HECTD4: variants seen among roughly 807,000 people sequenced by gnomAD.
HECTD4 encodes the protein HECT domain E3 ubiquitin protein ligase 4.
In HECTD4, 114 loss-of-function variants were observed where a neutral mutation model predicts 471.5. That is an observed-to-expected ratio of 0.24 (90% CI 0.21 to 0.28). The LOEUF (loss-of-function observed/expected upper bound fraction) is 0.28. Among genes scored for constraint, HECTD4 ranks in the 10% least tolerant of loss-of-function variants. HECTD4 has a pLI of 1.00. For missense variants in HECTD4, 3,866 were observed against 5,651.5 expected (o/e 0.68, Z 10.13); for synonymous variants, 2,012 against 2,256.0 (o/e 0.89, Z 3.07).
intron 7 of HECTD4, among the ~76,000 whole-genome samples, chr12:112,290,741 G>C (rs1227971028): frequency 6.6e-6 from 1 of 151,504 alleles, no homozygotes; most frequent in Admixed American, 6.6e-5. Flanking sequence ...CCAGCTACTC[G>C]GGAGGCTGAG....
chr12:112,332,665 TA>T (rs1340800318), intron 1 of HECTD4, among the ~76,000 whole-genome samples: 3 of 151,908 alleles, frequency 2.0e-5, no homozygotes, highest in African/African-American at 2.4e-5. Context: ...ACTCCTTTTA[TA>T]AAAAATAATA....
At chr12:112,214,120 T>A (rs1383803935) in intron 48 of HECTD4, among the ~76,000 whole-genome samples, 2 of 152,190 alleles carry the variant, frequency 1.3e-5, no homozygotes, top group Non-Finnish European at 2.9e-5. Context: ...GTTTCCTACT[T>A]ATAAGCATTT....
chr12:112,218,776 C>A (rs1022776598), intron 45 of HECTD4, among the ~76,000 whole-genome samples: 1 of 152,020 alleles, frequency 6.6e-6, no homozygotes, highest in Non-Finnish European at 1.5e-5. Context: ...GCTCTGTCAC[C>A]CAGGCTGGAG....
chr12:112,274,565 G>A (rs1490452415), intron 10 of HECTD4, among the ~76,000 whole-genome samples: 1 of 152,132 alleles, frequency 6.6e-6, no homozygotes, highest in Non-Finnish European at 1.5e-5. Context: ...AAATTAGCTG[G>A]GCATGGTGGT....
chr12:112,170,866 A>G, intron 68 of HECTD4: 2 of 503,148 alleles, frequency 4.0e-6, no homozygotes, highest in East Asian at 3.4e-5. Flanking sequence ...ACCTTCATAT[A>G]TGATTTCTAA....
intron 48 of HECTD4, among the ~76,000 whole-genome samples, chr12:112,215,573 T>C (rs929556480): frequency 3.3e-5 from 5 of 152,186 alleles, no homozygotes; most frequent in African/African-American, 7.2e-5. Flanking sequence ...GACTGAAACA[T>C]AGAGGCAGAA....
chr12:112,258,485 G>T lies in HECTD4; in HGVS notation c.3128+11C>A. 6.4e-7 allele frequency: 1 copy of T among 1,553,326 alleles called. No individual in the cohort carries two copies. The highest frequency in any genetic ancestry group is 8.7e-7 in the Non-Finnish European group (1 of 1,151,538). On this transcript the variant is annotated intron_variant, in intron 20 of 75. Transcript: ENST00000682272. ...AGAAAAGGGTTCCTGCAAGGAAGCAGCATTCATTACCTCTCATCAGGGAAC... is the reference window on the plus strand; with the variant it reads ...AGAAAAGGGTTCCTGCAAGGAAGCATCATTCATTACCTCTCATCAGGGAAC...
At chr12:112,182,761 G>A (rs529147999) in intron 62 of HECTD4, among the ~76,000 whole-genome samples, 21 of 152,384 alleles carry the variant, frequency 1.4e-4, no homozygotes, top group African/African-American at 4.3e-4. Context: ...CTGCCCCCAC[G>A]GCCTTCAGCG....
Position 112,184,693 on chromosome 12 carries a change from C to T in HECTD4, c.10273G>A (p.Gly3425Ser). 1 of 1,607,714 alleles carries T rather than the reference C, an allele frequency of 6.2e-7. No individual in the cohort carries two copies. Among genetic ancestry groups the T allele is most frequent in the Non-Finnish European group, 8.5e-7 (1 of 1,177,366 alleles). Residue 3425 changes from glycine (G) to serine (S), a missense_variant, in exon 61 of 76, where the codon GGC becomes AGC. Transcript: ENST00000682272. The surrounding 1 kb of genome is among the most constrained non-coding windows in gnomAD (Gnocchi z 9.1). Reference protein sequence around the residue: ...GAIRKACNAHGGVFKDEIYIP... With the variant: ...GAIRKACNAHSGVFKDEIYIP... ...TAGATCTCGTCTTTGAAGACCCCGC[C>T]GTGGGCGTTGCAGGCCTTGCGGATG...
intron 1 of HECTD4, among the ~76,000 whole-genome samples, chr12:112,366,683 C>T (rs112060328): frequency 0.019 from 2,876 of 151,820 alleles, 46 homozygotes; most frequent in Non-Finnish European, 0.028. Flanking sequence ...GAGTTAGAGA[C>T]CAGCCTGGCC....
intron 1 of HECTD4, among the ~76,000 whole-genome samples, chr12:112,375,534 TA>T (rs1341329438): frequency 6.6e-6 from 1 of 152,194 alleles, no homozygotes; most frequent in African/African-American, 2.4e-5. Context: ...TCAATACTCT[TA>T]TATACGATGC....
intron 1 of HECTD4, among the ~76,000 whole-genome samples, chr12:112,367,366 A>G (rs1348844603): frequency 1.3e-5 from 2 of 151,734 alleles, no homozygotes; most frequent in Non-Finnish European, 2.9e-5. Flanking sequence ...CAAAAGGCTG[A>G]ATTTCAGCTA....
rs370026671 is a variant in HECTD4, at chr12:112,265,864, A to G, written c.2498+14T>C. 26 of 1,585,242 alleles carry G rather than the reference A, an allele frequency of 1.6e-5. No individual in the cohort carries two copies. In the African/African-American group the frequency reaches 3.5e-4, roughly 21 times the overall value. On this transcript the variant is annotated intron_variant, in intron 15 of 75. Coordinates refer to ENST00000682272, the MANE Select transcript of HECTD4 (RefSeq NM_001388303.1). ...AACACAAAGGCTAGAAGTGAATAATATAACTGGTGTCACCTGTAATGATCA... is the reference window on the plus strand; with the variant it reads ...AACACAAAGGCTAGAAGTGAATAATGTAACTGGTGTCACCTGTAATGATCA...
chr12:112,169,393 G>C, intron 70 of HECTD4, 110 bp downstream of exon 70: 1 of 1,223,346 alleles, frequency 8.2e-7, no homozygotes, highest in East Asian at 2.5e-5. Flanking sequence ...CAGCACAAGT[G>C]CTGAGGATGT....
At position 112,184,954 on chromosome 12, in the gene HECTD4, G is replaced by A. The variant is rs1202552039; in HGVS notation, c.10012C>T (p.Pro3338Ser). 1 of 1,613,674 alleles carries A rather than the reference G, an allele frequency of 6.2e-7. No individual in the cohort carries two copies. The highest frequency in any genetic ancestry group is 1.7e-5 in the Admixed American group (1 of 59,978). The change falls in exon 61 of 76, where the codon CCC (proline) becomes TCC (serine). Residue 3338 changes from proline to serine, a missense_variant. Physicochemically the swap from Pro to Ser is moderately conservative, Grantham distance 74 (BLOSUM62 -1). Transcript: ENST00000682272. The surrounding 1 kb of genome is among the most constrained non-coding windows in gnomAD (Gnocchi z 9.1). ...CTGCCTCCGATGCTGAGCACGGTGG[G>A]GTCCGAGTCCACGGTGCGGGAAGAC... ...RQSSRTVDSD[P>S]TVLSIGGSKP...
chr12:112,167,869 C>A lies in HECTD4; in HGVS notation c.12257G>T (p.Ser4086Ile), dbSNP rs779355737. The change falls in exon 71 of 76, where the codon AGT (serine) becomes ATT (isoleucine). Residue 4086 changes from serine (S) to isoleucine (I), a missense_variant. Coordinates refer to ENST00000682272, the MANE Select transcript of HECTD4 (RefSeq NM_001388303.1). ...CAGCAGCAGCAGCGACAGCGAGGAA[C>A]TCTGCAGCTCCTTACACACCTGCCA... ...FLWQVCKELQSSSLSLLLLCP... is the reference protein window; with the variant it reads ...FLWQVCKELQISSLSLLLLCP... 9.8e-5 allele frequency: 158 copies of A among 1,613,522 alleles called. No individual in the cohort carries two copies. The highest frequency in any genetic ancestry group is 1.2e-4 in the Non-Finnish European group (147 of 1,179,902).
intron 44 of HECTD4, among the ~76,000 whole-genome samples, chr12:112,221,635 A>C (rs2033098109): frequency 6.6e-6 from 1 of 152,202 alleles, no homozygotes; most frequent in Admixed American, 6.5e-5. Flanking sequence ...CTGGGCATCA[A>C]AACTAACCTG....
intron 1 of HECTD4, among the ~76,000 whole-genome samples, chr12:112,351,675 T>C (rs1360820069): frequency 6.6e-6 from 1 of 152,230 alleles, no homozygotes; most frequent in East Asian, 1.9e-4. Flanking sequence ...TTTAGTTGTC[T>C]TCTTGCATTA....
intron 8 of HECTD4, 106 bp from the exon 9 acceptor site, chr12:112,279,492 G>T: frequency 1.1e-6 from 1 of 949,106 alleles, no homozygotes; most frequent in Non-Finnish European, 1.5e-6. Context: ...CTCAAACAAA[G>T]ATTTGGAAAA....
Sources: allele counts gnomAD v4.1 joint callset (sites outside exome capture counted in the v4.1 genomes callset), GRCh38; gene constraint gnomAD v4.1.1; non-coding constraint Gnocchi (gnomAD v3.1); transcripts MANE v1.5; gene names NCBI Gene and HGNC (gene_info 2026-07-23, HGNC 2026-07-21).